Variants in DLK2 observed in about 807,000 individuals in gnomAD.
DLK2 encodes delta like non-canonical Notch ligand 2.
DLK2 carries 9 observed loss-of-function variants against 31.3 expected under a neutral mutation model. That is an observed-to-expected ratio of 0.29 (90% CI 0.17 to 0.50). The LOEUF is 0.50. Among genes scored for constraint, DLK2 ranks in the 20% least tolerant of loss-of-function variants. DLK2 has a pLI of 0.98. For missense variants in DLK2, 387 were observed against 526.1 expected, an observed-to-expected ratio of 0.74 and a Z score of 2.59; for synonymous variants, 169 against 201.2, an observed-to-expected ratio of 0.84 and a Z score of 1.35.
chr6:43,450,556 T>C lies in DLK2; in HGVS notation c.1135A>G (p.Lys379Glu), dbSNP rs748640339. 15 of 1,565,842 alleles carry C rather than the reference T, an allele frequency of 9.6e-6. No homozygotes were observed. Among genetic ancestry groups the C allele is most frequent in the African/African-American group, 5.4e-5 (4 of 74,148 alleles). The change falls in exon 6 of 6, where the codon AAG becomes GAG. Residue 379 changes from lysine (K) to glutamate (E), a missense_variant. Transcript: ENST00000372488. The surrounding 1 kb of genome is among the most constrained non-coding windows in gnomAD (Gnocchi z 4.5). Reference sequence around the variant, plus strand: ...CACCTCCATCACAGTGCTGTGGTCTTTCCAGGCTCAGGGGGCAAGTCACGT... The same window carrying C: ...CACCTCCATCACAGTGCTGTGGTCTCTCCAGGCTCAGGGGGCAAGTCACGT... ...LPRDLPPEPG[K>E]TTAL
In DLK2 at chr6:43,451,519, G is replaced by A. The variant is rs1423177095; in HGVS notation, c.417-245C>T. ...CCAGAAGGCAGGGCTCAGGGTAAGT[G>A]TGCTATTATTATCCTCACAGGCTCC... On this transcript the variant is annotated intron_variant, in intron 5 of 5. Coordinates refer to ENST00000372488, the MANE Select transcript of DLK2 (RefSeq NM_023932.4). The surrounding 1 kb of genome is among the most constrained non-coding windows in gnomAD (Gnocchi z 4.4). Among the ~76,000 whole-genome samples, 3 of 152,198 alleles carry A rather than the reference G, an allele frequency of 2.0e-5. No individual in the cohort carries two copies. The highest frequency in any genetic ancestry group is 4.8e-5 in the African/African-American group (2 of 41,448).
intron 4 of DLK2, among the ~76,000 whole-genome samples, chr6:43,452,486 C>G (rs1357162079): frequency 1.3e-5 from 2 of 151,938 alleles, no homozygotes; most frequent in Admixed American, 1.3e-4. Flanking sequence ...GAGGCCAAGG[C>G]GGGTGGATCA....
At position 43,450,670 on chromosome 6, in the gene DLK2, G is replaced by A. The variant is rs556577670; in HGVS notation, c.1021C>T (p.Pro341Ser). 23 of 1,613,948 alleles carry A rather than the reference G, an allele frequency of 1.4e-5. No homozygotes were observed. The South Asian group carries it at 1.9e-4, about 13-fold the overall frequency. Residue 341 changes from proline to serine, a missense_variant, in exon 6 of 6, where the codon CCC becomes TCC. By Grantham distance (74) the Pro-to-Ser change is moderately conservative (BLOSUM62 -1). Coordinates refer to ENST00000372488, the MANE Select transcript of DLK2 (RefSeq NM_023932.4). This position sits in a 1 kb window ranked among gnomAD's most constrained non-coding sequence, Gnocchi z 4.5. The part of the protein sequence containing the change: ...AWRRGVCPPG[P>S]CCYPAPHYAP... ...TAGTGTGGGGCAGGGTAGCAACAGG[G>A]TCCAGGGGGGCAGACACCCCGGCGC... is the stretch of plus-strand genomic sequence containing the variant.
rs755602791 is a variant in DLK2, at chr6:43,450,649, G to A, written c.1042C>T (p.His348Tyr). 2 of 1,613,802 alleles carry A rather than the reference G, an allele frequency of 1.2e-6. No individual in the cohort carries two copies. The highest frequency in any genetic ancestry group is 2.2e-5 in the South Asian group (2 of 91,076). ...TGGTCCTGGCACGCTGGAGCATAGT[G>A]TGGGGCAGGGTAGCAACAGGGTCCA... ...PPGPCCYPAP[H>Y]YAPACQDQEC... Residue 348 changes from histidine (H) to tyrosine (Y), a missense_variant, in exon 6 of 6, where the codon CAC becomes TAC. Physicochemically the swap from His to Tyr is moderately conservative, Grantham distance 83. Transcript: ENST00000372488. This position sits in a 1 kb window ranked among gnomAD's most constrained non-coding sequence, Gnocchi z 4.5.
rs1783841581 is a variant in DLK2 at position 43,453,208 on chromosome 6, T to A, written c.141-73A>T. 9 of 1,507,636 alleles carry A rather than the reference T, an allele frequency of 6.0e-6. No homozygotes were observed. Among genetic ancestry groups the A allele is most frequent in the Non-Finnish European group, 8.0e-6 (9 of 1,125,870 alleles). 93.4% of individuals were successfully genotyped at this position (1,507,636 alleles called of 1,614,324 possible). Reference sequence around the variant, plus strand: ...GAAATGGAGGAGACAGAACCAGAGCTTCTAGAAACCAAGAGGACATATGAC... The same window carrying A: ...GAAATGGAGGAGACAGAACCAGAGCATCTAGAAACCAAGAGGACATATGAC... On this transcript the variant is annotated intron_variant, in intron 3 of 5. Coordinates refer to ENST00000372488, the MANE Select transcript of DLK2 (RefSeq NM_023932.4). This position sits in a 1 kb window ranked among gnomAD's most constrained non-coding sequence, Gnocchi z 4.1.
intron 3 of DLK2, 64 bp downstream of exon 3, chr6:43,454,347 G>A: frequency 6.7e-7 from 1 of 1,489,588 alleles, no homozygotes; most frequent in Non-Finnish European, 9.2e-7. Context: ...AGACACTGTT[G>A]TGCACGTGAA....
Position 43,451,825 on chromosome 6 carries a change from C to T in DLK2, c.416+115G>A, listed in dbSNP as rs947453242. On this transcript the variant is annotated intron_variant, in intron 5 of 5. Coordinates refer to ENST00000372488, the MANE Select transcript of DLK2 (RefSeq NM_023932.4). This position sits in a 1 kb window ranked among gnomAD's most constrained non-coding sequence, Gnocchi z 4.4. ...GCATGCAGGGGTTTTATCTGAGTGT[C>T]CCCGTGTGGGTCTGACTCTCAGTCC... 11 of 1,472,048 alleles carry T rather than the reference C, an allele frequency of 7.5e-6. No individual in the cohort carries two copies. Among genetic ancestry groups the T allele is most frequent in the Admixed American group, 2.4e-5 (1 of 41,470 alleles). 91.2% of individuals were successfully genotyped at this position (1,472,048 alleles called of 1,614,324 possible).
rs923214205 is a variant in DLK2 at position 43,451,829 on chromosome 6, G to A, written c.416+111C>T. 5.0e-5 allele frequency: 74 copies of A among 1,481,328 alleles called. No homozygotes were observed. In the African/African-American group the frequency reaches 6.6e-4, roughly 13 times the overall value. 91.8% of individuals were successfully genotyped at this position (1,481,328 alleles called of 1,614,324 possible). A position where few individuals can be genotyped will look rare whatever the true frequency, so the allele number is the denominator to read the frequency against. On this transcript the variant is annotated intron_variant, in intron 5 of 5. Coordinates refer to ENST00000372488, the MANE Select transcript of DLK2 (RefSeq NM_023932.4). The surrounding 1 kb of genome is among the most constrained non-coding windows in gnomAD (Gnocchi z 4.4). ...GCAGGGGTTTTATCTGAGTGTCCCC[G>A]TGTGGGTCTGACTCTCAGTCCCCCA... is the stretch of plus-strand genomic sequence containing the variant.
At chr6:43,454,683 CAGAG>C (rs2127424490) in intron 2 of DLK2, 63 bp downstream of exon 2, 1 of 1,520,950 alleles carries the variant, frequency 6.6e-7, no homozygotes, top group Non-Finnish European at 8.8e-7. Flanking sequence ...CTCCGGCCGG[CAGAG>C]GTCAACGTGC....
In DLK2 at chr6:43,451,313, C is replaced by T; in HGVS notation, c.417-39G>A. 2 of 1,594,932 alleles carry T rather than the reference C, an allele frequency of 1.3e-6. No individual in the cohort carries two copies. The highest frequency in any genetic ancestry group is 1.7e-6 in the Non-Finnish European group (2 of 1,170,030). ...GAGAGAGGACATGATAACCAACTTA[C>T]CAACACCTGTAGGGCAGCCCAGGTC... On this transcript the variant is annotated intron_variant, in intron 5 of 5. Transcript: ENST00000372488. This position sits in a 1 kb window ranked among gnomAD's most constrained non-coding sequence, Gnocchi z 4.4.
rs1210504536 is a variant in DLK2, at chr6:43,453,467, G to A, written c.141-332C>T. The stretch of plus-strand genomic sequence containing the variant: ...GTACCCCTCCTGGCATGTCTGAGGT[G>A]CTCACAAACATTTAAAGAAGAATGA... On this transcript the variant is annotated intron_variant, in intron 3 of 5. Coordinates refer to ENST00000372488, the MANE Select transcript of DLK2 (RefSeq NM_023932.4). The surrounding 1 kb of genome is among the most constrained non-coding windows in gnomAD (Gnocchi z 4.1). Among the ~76,000 whole-genome samples, 1 of 152,220 alleles carries A rather than the reference G, an allele frequency of 6.6e-6. No homozygotes were observed. The highest frequency in any genetic ancestry group is 1.5e-5 in the Non-Finnish European group (1 of 68,046).
chr6:43,454,511 C>A, intron 2 of DLK2, 37 bp from the exon 3 acceptor site: 1 of 1,562,818 alleles, frequency 6.4e-7, no homozygotes, highest in South Asian at 1.2e-5. Context: ...GAGTCTGAGT[C>A]AGGGCACAGC....
chr6:43,454,916 C>G (rs929694352), intron 1 of DLK2, 36 bp from the exon 2 acceptor site: 1 of 1,475,794 alleles, frequency 6.8e-7, no homozygotes, highest in African/African-American at 1.4e-5. Flanking sequence ...CGGCCGGACG[C>G]GGAGATAGCG....
chr6:43,455,799 C>A (rs1348202775), upstream of DLK2, among the ~76,000 whole-genome samples: 1 of 152,062 alleles, frequency 6.6e-6, no homozygotes, highest in Non-Finnish European at 1.5e-5. Context: ...AGGAGCGCAA[C>A]CCCGTTATTC....
rs975310826 is a variant in DLK2 at position 43,451,737 on chromosome 6, T to G, written c.416+203A>C. The stretch of plus-strand genomic sequence containing the variant: ...TACCCCTCTAGCTCCTATAGATTGT[T>G]GAAGAAATGGCTCAGAAGGTACAAA... On this transcript the variant is annotated intron_variant, in intron 5 of 5. Transcript: ENST00000372488. The surrounding 1 kb of genome is among the most constrained non-coding windows in gnomAD (Gnocchi z 4.4). Among the ~76,000 whole-genome samples the G allele has an allele frequency of 6.6e-6, 1 of 152,014 alleles. No individual in the cohort carries two copies. Among genetic ancestry groups the G allele is most frequent in the African/African-American group, 2.4e-5 (1 of 41,386 alleles).
rs745973388 is a variant in DLK2, at chr6:43,450,593, C to G, written c.1098G>C (p.Gly366=). ...GGGGCAAGTCACGTGGCAGGGGGAG[C>G]CCTGCTGGCAGCATGCTAACCTGAC... ...QECQVSMLPA[G]LPLPRDLPPE... The change falls in exon 6 of 6, where the codon GGG becomes GGC. Residue 366 remains glycine, a synonymous_variant. Transcript: ENST00000372488. The surrounding 1 kb of genome is among the most constrained non-coding windows in gnomAD (Gnocchi z 4.5). The G allele has an allele frequency of 6.3e-7, 1 of 1,592,318 alleles. No individual in the cohort carries two copies. Among genetic ancestry groups the G allele is most frequent in the Non-Finnish European group, 8.6e-7 (1 of 1,167,464 alleles).
intron 4 of DLK2, 122 bp from the exon 5 acceptor site, chr6:43,452,206 G>A: frequency 7.1e-7 from 1 of 1,412,906 alleles, no homozygotes; most frequent in South Asian, 1.4e-5. Flanking sequence ...CCCAGCCCAG[G>A]CTGGCGTGGT....
In DLK2 at chr6:43,453,739, A is replaced by C. The variant is rs769729875; in HGVS notation, c.141-604T>G. Among the ~76,000 whole-genome samples, 1 of 152,334 alleles carries C rather than the reference A, an allele frequency of 6.6e-6. No homozygotes were observed. The highest frequency in any genetic ancestry group is 1.5e-5 in the Non-Finnish European group (1 of 68,028). On this transcript the variant is annotated intron_variant, in intron 3 of 5. Coordinates refer to ENST00000372488, the MANE Select transcript of DLK2 (RefSeq NM_023932.4). The surrounding 1 kb of genome is among the most constrained non-coding windows in gnomAD (Gnocchi z 4.1). The stretch of plus-strand genomic sequence containing the variant: ...AAGAGGCAGAGGCTGCAGTGAGCTG[A>C]GATCGCGCCACTGCACTCCAGCCTT...
rs746387048 is a variant in DLK2, at chr6:43,451,940, C to T, written c.416G>A (p.Gly139Asp). ...CTCACCCTGAGGGCCCAGCACTCACCCTGCCTGTTCACAGGGTCCAGCCTT... is the reference window on the plus strand; with the variant it reads ...CTCACCCTGAGGGCCCAGCACTCACTCTGCCTGTTCACAGGGTCCAGCCTT... ...ERKAGPCEQA[G>D]SPCRNGGQCQ... Residue 139 changes from glycine (G) to aspartate (D), a missense_variant and splice_region_variant, in exon 5 of 6, where the codon GGC (glycine) becomes GAC (aspartate). Gly to Asp is a moderately conservative substitution (Grantham distance 94). Coordinates refer to ENST00000372488, the MANE Select transcript of DLK2 (RefSeq NM_023932.4). The surrounding 1 kb of genome is among the most constrained non-coding windows in gnomAD (Gnocchi z 4.4). 16 of 1,614,024 alleles carry T rather than the reference C, an allele frequency of 9.9e-6. 1 individual carries two copies. In the South Asian group the frequency reaches 1.5e-4, roughly 16 times the overall value.
Sources: gnomAD v4.1 joint callset for allele counts (sites outside exome capture counted in the v4.1 genomes callset) on GRCh38, gnomAD v4.1.1 for gene constraint, Gnocchi (gnomAD v3.1) non-coding constraint, MANE v1.5 for transcripts, NCBI Gene and HGNC (gene_info 2026-07-23, HGNC 2026-07-21) for gene names.